The following ARHGAP10 variants were observed in gnomAD, a reference collection of about 807,000 sequenced individuals.
ARHGAP10 encodes Rho GTPase activating protein 10, also known as rho GTPase-activating protein 10.
A neutral mutation model predicts 108.6 loss-of-function variants in ARHGAP10; 87 were observed. The observed-to-expected ratio is 0.80, with a 90% CI of 0.67 to 0.96. The LOEUF (loss-of-function observed/expected upper bound fraction) is 0.96. Among genes scored for constraint, ARHGAP10 ranks in the 40% least tolerant of loss-of-function variants. The pLI, the probability that ARHGAP10 is intolerant of heterozygous loss-of-function variation, is 0.00. For synonymous variants in ARHGAP10, 347 were observed against 341.1 expected (o/e 1.02, Z -0.19); for missense variants, 939 against 954.5 (o/e 0.98, Z 0.21).
chr4:147,974,922 G>A (rs867419589), intron 18 of ARHGAP10, among the ~76,000 whole-genome samples: 1 of 152,170 alleles, frequency 6.6e-6, no homozygotes, highest in Non-Finnish European at 1.5e-5. Context: ...TTACTATCAT[G>A]AGAATAGCAC....
chr4:147,760,539 G>T (rs1408432723), intron 1 of ARHGAP10, among the ~76,000 whole-genome samples: 3 of 152,060 alleles, frequency 2.0e-5, no homozygotes, highest in Non-Finnish European at 2.9e-5. Flanking sequence ...CTAAGTGTGG[G>T]GTAGTCCTTC....
At chr4:148,043,651 A>ATATATATATATATATT (rs1383676518) in intron 19 of ARHGAP10, among the ~76,000 whole-genome samples, 2 of 110,756 alleles carry the variant, frequency 1.8e-5, no homozygotes, top group Non-Finnish European at 3.8e-5. Flanking sequence ...ATATATATAT[A>ATATATATATATATATT]TTTTAGGTGT....
intron 3 of ARHGAP10, among the ~76,000 whole-genome samples, chr4:147,846,117 A>T (rs1398994736): frequency 6.6e-6 from 1 of 152,188 alleles, no homozygotes; most frequent in African/African-American, 2.4e-5. Flanking sequence ...AGCCTGGGGT[A>T]GAAAGTTGAA....
chr4:147,984,754 T>G (rs146090538), intron 18 of ARHGAP10, among the ~76,000 whole-genome samples: 228 of 152,294 alleles, frequency 1.5e-3, no homozygotes, highest in African/African-American at 5.3e-3. Context: ...AAGAAGTGGC[T>G]TTTGGGTTAA....
intron 13 of ARHGAP10, among the ~76,000 whole-genome samples, chr4:147,922,215 G>A (rs1288029780): frequency 6.6e-6 from 1 of 152,116 alleles, no homozygotes; most frequent in East Asian, 1.9e-4. Flanking sequence ...AGGCAAGTTA[G>A]GAGGAGTGGT....
intron 18 of ARHGAP10, among the ~76,000 whole-genome samples, chr4:148,019,143 C>T (rs563901275): frequency 6.6e-6 from 1 of 152,130 alleles, no homozygotes; most frequent in Non-Finnish European, 1.5e-5. Context: ...TAGCCTGTTA[C>T]TTGATGTCCT....
chr4:147,915,411 A>G (rs977536359), intron 13 of ARHGAP10, among the ~76,000 whole-genome samples: 1 of 152,214 alleles, frequency 6.6e-6, no homozygotes, highest in African/African-American at 2.4e-5. Context: ...TTTCTTAAGT[A>G]GAACTTTGTG....
At chr4:147,795,433 G>A (rs951598333) in intron 1 of ARHGAP10, among the ~76,000 whole-genome samples, 1 of 152,048 alleles carries the variant, frequency 6.6e-6, no homozygotes, top group Non-Finnish European at 1.5e-5. Flanking sequence ...TTTTTTCCTT[G>A]AGGGTTAGCT....
At chr4:147,925,386 T>C (rs553942626) in intron 13 of ARHGAP10, among the ~76,000 whole-genome samples, 1 of 152,220 alleles carries the variant, frequency 6.6e-6, no homozygotes, top group South Asian at 2.1e-4. Context: ...AAAGGAATCT[T>C]GCAAAAAGCA....
At chr4:147,809,674 C>T (rs747097) in intron 1 of ARHGAP10, among the ~76,000 whole-genome samples, 103,689 of 152,068 alleles carry the variant, frequency 0.68, 40,864 homozygotes, top group Non-Finnish European at 0.86. Context: ...CCAACCTTTT[C>T]GGCACCAGGG....
intron 19 of ARHGAP10, among the ~76,000 whole-genome samples, chr4:148,029,126 G>A (rs1020645782): frequency 2.0e-5 from 3 of 152,178 alleles, no homozygotes; most frequent in African/African-American, 7.2e-5. Flanking sequence ...GTGTATATGG[G>A]AAAGTCAGTA....
chr4:147,788,612 G>T (rs1730992824), intron 1 of ARHGAP10, among the ~76,000 whole-genome samples: 1 of 152,168 alleles, frequency 6.6e-6, no homozygotes, highest in African/African-American at 2.4e-5. Context: ...ACCTCTACCA[G>T]CCTGCTCTGC....
chr4:147,881,880 C>T lies in ARHGAP10; in HGVS notation c.982C>T (p.His328Tyr). Residue 328 changes from histidine to tyrosine, a missense_variant, in exon 10 of 23, where the codon CAT becomes TAT. By Grantham distance (83) the His-to-Tyr change is moderately conservative. Coordinates refer to ENST00000336498, the MANE Select transcript of ARHGAP10 (RefSeq NM_024605.4). Reference sequence around the variant, plus strand: ...CTTTTTGAAAGAATGTACCAAGAGGCATACTGACTCCATTGACAGAAGGTT... The same window carrying T: ...CTTTTTGAAAGAATGTACCAAGAGGTATACTGACTCCATTGACAGAAGGTT... ...VFFLKECTKRHTDSIDRRFCF... is the reference protein window; with the variant it reads ...VFFLKECTKRYTDSIDRRFCF... 6.2e-7 allele frequency: 1 copy of T among 1,614,018 alleles called. No homozygotes were observed. The highest frequency in any genetic ancestry group is 8.5e-7 in the Non-Finnish European group (1 of 1,179,986).
intron 16 of ARHGAP10, among the ~76,000 whole-genome samples, chr4:147,963,348 A>G (rs1256981307): frequency 6.6e-5 from 10 of 152,154 alleles, no homozygotes; most frequent in Admixed American, 2.0e-4. Flanking sequence ...GCTCTCCATT[A>G]TGAGACCCTT....
At chr4:147,829,495 G>A (rs1370359820) in intron 3 of ARHGAP10, among the ~76,000 whole-genome samples, 4 of 152,136 alleles carry the variant, frequency 2.6e-5, no homozygotes, top group Non-Finnish European at 4.4e-5. Flanking sequence ...GGCCAGGACA[G>A]TGTTTTTGAG....
At position 148,043,094 on chromosome 4, in the gene ARHGAP10, A is replaced by G. The variant is rs77312033; in HGVS notation, c.1868-3798A>G. Among the ~76,000 whole-genome samples the G allele has an allele frequency of 8.3e-3, 1,265 of 152,324 alleles. 7 individuals carry two copies. The highest frequency in any genetic ancestry group is 0.014 in the Non-Finnish European group (934 of 68,030). On this transcript the variant is annotated intron_variant, in intron 19 of 22. Coordinates refer to ENST00000336498, the MANE Select transcript of ARHGAP10 (RefSeq NM_024605.4). ...GGAAATGGGCACCTAAAACCAGGTTATAAAACCAGTATATGATGGCGAAAT... is the reference window on the plus strand; with the variant it reads ...GGAAATGGGCACCTAAAACCAGGTTGTAAAACCAGTATATGATGGCGAAAT...
At chr4:147,894,575 A>G (rs1006464881) in intron 10 of ARHGAP10, among the ~76,000 whole-genome samples, 3 of 152,146 alleles carry the variant, frequency 2.0e-5, no homozygotes, top group Admixed American at 1.3e-4. Context: ...GTTTAAAAAC[A>G]TTTTATTAAG....
At chr4:147,774,983 G>A (rs1028822443) in intron 1 of ARHGAP10, among the ~76,000 whole-genome samples, 4 of 150,922 alleles carry the variant, frequency 2.7e-5, no homozygotes. Context: ...TGGGCTCACT[G>A]CAACCTCTGT....
intron 1 of ARHGAP10, among the ~76,000 whole-genome samples, chr4:147,776,965 C>T (rs889702072): frequency 2.6e-5 from 4 of 152,168 alleles, no homozygotes; most frequent in African/African-American, 4.8e-5. Flanking sequence ...TGGTGGCCTG[C>T]AGTGACATTG....
Sources: gnomAD v4.1 joint callset for allele counts (sites outside exome capture counted in the v4.1 genomes callset) on GRCh38, gnomAD v4.1.1 for gene constraint, MANE v1.5 for transcripts, NCBI Gene and HGNC (gene_info 2026-07-23, HGNC 2026-07-21) for gene names.